The following SND1 variants were observed in gnomAD, a reference collection of about 807,000 sequenced individuals.
SND1 encodes the protein staphylococcal nuclease domain-containing protein 1.
A neutral mutation model predicts 121.7 loss-of-function variants in SND1; 38 were observed. The observed-to-expected ratio is 0.31, with a 90% CI of 0.24 to 0.41. The LOEUF is 0.41. Among genes scored for constraint, SND1 ranks in the 10% least tolerant of loss-of-function variants. SND1 has a pLI of 1.00. For missense variants in SND1, 868 were observed against 1,184.6 expected, an observed-to-expected ratio of 0.73 and a Z score of 3.92; for synonymous variants, 401 against 447.4, an observed-to-expected ratio of 0.90 and a Z score of 1.31.
chr7:127,699,869 G>A (rs1350801505), intron 4 of SND1, among the ~76,000 whole-genome samples: 2 of 152,188 alleles, frequency 1.3e-5, no homozygotes, highest in African/African-American at 4.8e-5. Flanking sequence ...ATGAGGATGA[G>A]CAAAGGCAAA....
chr7:127,707,764 G>C (rs1309894214), intron 9 of SND1, 117 bp downstream of exon 9: 3 of 558,106 alleles, frequency 5.4e-6, no homozygotes, highest in African/African-American at 2.7e-5. Flanking sequence ...CAAGCCAGTA[G>C]GAGTGTGTGT....
At chr7:128,081,582 G>A in intron 18 of SND1, 81 bp downstream of exon 18, 1 of 1,545,426 alleles carries the variant, frequency 6.5e-7, no homozygotes, top group Non-Finnish European at 8.8e-7. Context: ...TCTGCCCAGT[G>A]GGTGGGAGGA....
chr7:127,870,952 T>C (rs998811026), intron 12 of SND1, among the ~76,000 whole-genome samples: 1 of 152,188 alleles, frequency 6.6e-6, no homozygotes, highest in Non-Finnish European at 1.5e-5. Flanking sequence ...ATATTTTTTA[T>C]ATCATTATTC....
intron 16 of SND1, among the ~76,000 whole-genome samples, chr7:127,995,917 C>G (rs1802641349): frequency 6.6e-6 from 1 of 152,056 alleles, no homozygotes; most frequent in African/African-American, 2.4e-5. Flanking sequence ...TTTCGATGAC[C>G]CCTTTGTCCT....
intron 15 of SND1, among the ~76,000 whole-genome samples, chr7:127,952,266 G>A (rs1291159059): frequency 1.3e-5 from 2 of 152,204 alleles, no homozygotes; most frequent in Admixed American, 6.5e-5. Flanking sequence ...CTTGATTTCT[G>A]TGGGATATCA....
Position 128,029,602 on chromosome 7 carries a change from A to G in SND1, c.1779+38546A>G. The G allele has an allele frequency of 1.2e-6, 2 of 1,614,058 alleles. No homozygotes were observed. The highest frequency in any genetic ancestry group is 1.7e-6 in the Non-Finnish European group (2 of 1,180,012). On this transcript the variant is annotated intron_variant, in intron 16 of 23. Coordinates refer to ENST00000354725, the MANE Select transcript of SND1 (RefSeq NM_014390.4). The surrounding 1 kb of genome is among the most constrained non-coding windows in gnomAD (Gnocchi z 4.2). ...ATGAAGGGGGCAGAGCACTGGAAGG[A>G]GGCCTGGTCCACCTCCACGAGGTAG...
chr7:127,652,383 T>C lies in SND1; in HGVS notation c.10T>C (p.Ser4Pro), dbSNP rs1347600180. The C allele has an allele frequency of 1.9e-6, 3 of 1,598,138 alleles. No homozygotes were observed. The highest frequency in any genetic ancestry group is 2.6e-6 in the Non-Finnish European group (3 of 1,173,034). Residue 4 changes from serine to proline, a missense_variant, in exon 1 of 24, where the codon TCC becomes CCC. By Grantham distance (74) the Ser-to-Pro change is moderately conservative. Coordinates refer to ENST00000354725, the MANE Select transcript of SND1 (RefSeq NM_014390.4). ...CTTTGCATCTCCACACATGGCGTCC[T>C]CCGCGCAGAGCGGCGGCTCCTCCGG... MAS[S>P]AQSGGSSGGP...
chr7:127,672,668 C>T (rs1259848578), intron 1 of SND1, among the ~76,000 whole-genome samples: 1 of 152,012 alleles, frequency 6.6e-6, no homozygotes, highest in African/African-American at 2.4e-5. Flanking sequence ...GCCATCCAAC[C>T]GGCAAACTCC....
At chr7:127,717,578 G>T (rs1049891188) in intron 9 of SND1, among the ~76,000 whole-genome samples, 2 of 152,168 alleles carry the variant, frequency 1.3e-5, no homozygotes, top group African/African-American at 4.8e-5. Context: ...TCTTCTAGGG[G>T]ACTGGGGAGA....
chr7:127,827,035 A>G (rs1176599473), intron 11 of SND1, among the ~76,000 whole-genome samples: 1 of 152,232 alleles, frequency 6.6e-6, no homozygotes, highest in Non-Finnish European at 1.5e-5. Flanking sequence ...AATGATGTTG[A>G]TACTATACCT....
intron 1 of SND1, among the ~76,000 whole-genome samples, chr7:127,656,324 CTT>C (rs1163685188): frequency 1.8e-4 from 25 of 137,284 alleles, no homozygotes; most frequent in Admixed American, 3.6e-4. Flanking sequence ...TTCTTTCTTT[CTT>C]TTTTTTTTTT....
intron 21 of SND1, among the ~76,000 whole-genome samples, chr7:128,089,199 C>G (rs1793734786): frequency 2.0e-5 from 3 of 152,126 alleles, no homozygotes; most frequent in Admixed American, 2.0e-4. Flanking sequence ...GGATTACAGG[C>G]ATGCACCCCA....
intron 12 of SND1, among the ~76,000 whole-genome samples, chr7:127,873,518 C>A (rs1429626785): frequency 1.3e-5 from 2 of 152,176 alleles, no homozygotes; most frequent in Non-Finnish European, 2.9e-5. Context: ...GCCTTCAAGA[C>A]TTCTTGAAGC....
chr7:127,951,722 T>C (rs926727830), intron 15 of SND1, among the ~76,000 whole-genome samples: 3 of 152,210 alleles, frequency 2.0e-5, no homozygotes, highest in African/African-American at 7.2e-5. Flanking sequence ...AGAATGTGCC[T>C]GAGATCAGGG....
intron 9 of SND1, among the ~76,000 whole-genome samples, chr7:127,717,850 A>T (rs1796418032): frequency 6.6e-6 from 1 of 152,068 alleles, no homozygotes; most frequent in Admixed American, 6.5e-5. Context: ...TGTTTGTTTT[A>T]TGTGTGCTTC....
At chr7:127,858,092 C>T in intron 12 of SND1, 2 of 949,854 alleles carry the variant, frequency 2.1e-6, no homozygotes, top group Non-Finnish European at 3.5e-6. Flanking sequence ...GTTGGGGTCT[C>T]CAGTTCCCCC....
chr7:128,007,998 A>G (rs1803024683), intron 16 of SND1: 1 of 152,176 alleles, frequency 6.6e-6, no homozygotes, highest in African/African-American at 2.4e-5. Flanking sequence ...CAGTCTCCAC[A>G]TTCCTACTGT....
At chr7:127,707,697 G>A (rs773780514) in intron 9 of SND1, 50 bp downstream of exon 9, 2 of 1,457,270 alleles carry the variant, frequency 1.4e-6, no homozygotes, top group Non-Finnish European at 1.9e-6. Context: ...TGCCAGGCGA[G>A]TAATAATACA....
intron 10 of SND1, among the ~76,000 whole-genome samples, chr7:127,751,963 T>C (rs1039940991): frequency 6.6e-6 from 1 of 152,228 alleles, no homozygotes; most frequent in Admixed American, 6.5e-5. Context: ...CCAAGTAGCA[T>C]CCAAGTGTAA....
Sources: allele counts gnomAD v4.1 joint callset (sites outside exome capture counted in the v4.1 genomes callset), GRCh38; gene constraint gnomAD v4.1.1; non-coding constraint Gnocchi (gnomAD v3.1); transcripts MANE v1.5; gene names NCBI Gene and HGNC (gene_info 2026-07-23, HGNC 2026-07-21).